RNGTT: variants seen among roughly 807,000 people sequenced by gnomAD.
The protein encoded by RNGTT is mRNA-capping enzyme.
In RNGTT, 33 loss-of-function variants were observed where a neutral mutation model predicts 79.3. The observed-to-expected ratio is 0.42, with a 90% CI of 0.32 to 0.56. The LOEUF is 0.56. Ranked by LOEUF, RNGTT falls within the 20% of genes least tolerant of loss-of-function variation. The pLI is 0.17. For missense variants in RNGTT, 497 were observed against 739.1 expected (o/e 0.67, Z 3.80); for synonymous variants, 222 against 235.9 (o/e 0.94, Z 0.54).
At chr6:88,727,235 G>A (rs1776943179) in intron 13 of RNGTT, among the ~76,000 whole-genome samples, 1 of 152,198 alleles carries the variant, frequency 6.6e-6, no homozygotes, top group Non-Finnish European at 1.5e-5. Flanking sequence ...CAGTGAATGT[G>A]CAAGGTGTAT....
chr6:88,794,415 G>T (rs1433344235), intron 12 of RNGTT, among the ~76,000 whole-genome samples: 1 of 152,096 alleles, frequency 6.6e-6, no homozygotes, highest in East Asian at 1.9e-4. Context: ...TACCTACATT[G>T]ATAACATAAA....
chr6:88,632,436 A>G (rs1772926832), intron 14 of RNGTT, among the ~76,000 whole-genome samples: 1 of 152,118 alleles, frequency 6.6e-6, no homozygotes, highest in African/African-American at 2.4e-5. Context: ...CAAAAGGTAT[A>G]ACTTTGCAGG....
intron 14 of RNGTT, among the ~76,000 whole-genome samples, chr6:88,623,030 A>C (rs569627344): frequency 2.4e-4 from 36 of 152,248 alleles, no homozygotes; most frequent in Non-Finnish European, 4.3e-4. Context: ...GTGGGTTCTA[A>C]GGAGATGATA....
At chr6:88,755,267 A>G (rs1463693170) in intron 13 of RNGTT, among the ~76,000 whole-genome samples, 1 of 152,192 alleles carries the variant, frequency 6.6e-6, no homozygotes, top group African/African-American at 2.4e-5. Flanking sequence ...GTGAACAAGA[A>G]AGAGAAAATG....
intron 13 of RNGTT, among the ~76,000 whole-genome samples, chr6:88,716,873 C>T (rs1776535252): frequency 6.6e-6 from 1 of 152,008 alleles, no homozygotes; most frequent in Non-Finnish European, 1.5e-5. Flanking sequence ...TGTTAAATGA[C>T]GAGTTACTGG....
At chr6:88,856,862 C>G (rs1484560527) in intron 8 of RNGTT, among the ~76,000 whole-genome samples, 1 of 152,142 alleles carries the variant, frequency 6.6e-6, no homozygotes, top group African/African-American at 2.4e-5. Context: ...CTGTCAGATA[C>G]TGCCTTAGTA....
intron 14 of RNGTT, among the ~76,000 whole-genome samples, chr6:88,649,471 G>A (rs930536450): frequency 6.6e-6 from 1 of 152,228 alleles, no homozygotes; most frequent in Non-Finnish European, 1.5e-5. Flanking sequence ...GGCCGAGGCG[G>A]TGGATCACGA....
In RNGTT at chr6:88,643,358, C is replaced by T. The variant is rs533878381; in HGVS notation, c.1507-28963G>A. On this transcript the variant is annotated intron_variant, in intron 14 of 15. Transcript: ENST00000369485. ...GCACAGTTCTACTGAATGTATATTA[C>T]TTTCACACCATCACAAACTGAAAAA... Among the ~76,000 whole-genome samples the T allele has an allele frequency of 2.0e-5, 3 of 152,242 alleles. No individual in the cohort carries two copies. The South Asian group carries it at 6.2e-4, about 32-fold the overall frequency.
intron 11 of RNGTT, among the ~76,000 whole-genome samples, chr6:88,841,221 A>T (rs1298292313): frequency 6.6e-6 from 1 of 152,232 alleles, no homozygotes; most frequent in African/African-American, 2.4e-5. Context: ...AAAGGCAAGC[A>T]GTGAACAGTC....
At chr6:88,618,402 C>T (rs184310842) in intron 14 of RNGTT, among the ~76,000 whole-genome samples, 10 of 152,074 alleles carry the variant, frequency 6.6e-5, no homozygotes, top group Admixed American at 1.3e-4. Context: ...AAAGAATGAC[C>T]GGTATAAGGG....
chr6:88,897,749 C>T (rs1240932051), intron 6 of RNGTT, among the ~76,000 whole-genome samples: 1 of 152,126 alleles, frequency 6.6e-6, no homozygotes, highest in Non-Finnish European at 1.5e-5. Flanking sequence ...GATGGCTCAC[C>T]AAACCTAGAT....
At chr6:88,627,852 T>G (rs1297797674) in intron 14 of RNGTT, among the ~76,000 whole-genome samples, 1 of 152,134 alleles carries the variant, frequency 6.6e-6, no homozygotes, top group Non-Finnish European at 1.5e-5. Flanking sequence ...CTTCTAGGAT[T>G]CCTTTCTTAC....
chr6:88,899,524 C>T (rs1400039817), intron 6 of RNGTT, among the ~76,000 whole-genome samples: 1 of 152,018 alleles, frequency 6.6e-6, no homozygotes, highest in Non-Finnish European at 1.5e-5. Context: ...GCAATCCTTC[C>T]GCCTCGGCCT....
intron 8 of RNGTT, among the ~76,000 whole-genome samples, chr6:88,864,208 C>T (rs1387152455): frequency 1.3e-5 from 2 of 152,070 alleles, no homozygotes; most frequent in South Asian, 2.1e-4. Context: ...AATTATATAG[C>T]TACTACATAT....
At chr6:88,763,918 T>C (rs1778356383) in intron 13 of RNGTT, among the ~76,000 whole-genome samples, 1 of 152,196 alleles carries the variant, frequency 6.6e-6, no homozygotes, top group African/African-American at 2.4e-5. Context: ...GGCTACCATT[T>C]TTAAGTTGAA....
chr6:88,927,850 A>G (rs1784372835), intron 4 of RNGTT, among the ~76,000 whole-genome samples: 1 of 151,086 alleles, frequency 6.6e-6, no homozygotes, highest in South Asian at 2.1e-4. Flanking sequence ...AAAAAAAAAG[A>G]AAGAAAAGGA....
At chr6:88,820,446 G>A (rs1458769086) in intron 11 of RNGTT, among the ~76,000 whole-genome samples, 1 of 152,094 alleles carries the variant, frequency 6.6e-6, no homozygotes, top group Non-Finnish European at 1.5e-5. Flanking sequence ...AATAAAGTAA[G>A]ACAAGTAAAA....
chr6:88,801,441 C>A, intron 12 of RNGTT, 123 bp downstream of exon 12: 1 of 616,412 alleles, frequency 1.6e-6, no homozygotes, highest in Non-Finnish European at 2.8e-6. Flanking sequence ...GCAATCACAG[C>A]AGTAATCAAT....
intron 13 of RNGTT, among the ~76,000 whole-genome samples, chr6:88,683,466 G>C (rs964981736): frequency 4.6e-5 from 7 of 152,002 alleles, no homozygotes; most frequent in Admixed American, 6.6e-5. Flanking sequence ...GCAAGCAAAA[G>C]GTCTAGCAAA....
Sources: allele counts gnomAD v4.1 joint callset (sites outside exome capture counted in the v4.1 genomes callset), GRCh38; gene constraint gnomAD v4.1.1; transcripts MANE v1.5; gene names NCBI Gene and HGNC (gene_info 2026-07-23, HGNC 2026-07-21).